PROCA1: variants seen among roughly 807,000 people sequenced by gnomAD.
The protein encoded by PROCA1 is protein PROCA1.
In PROCA1, 22 loss-of-function variants were observed where a neutral mutation model predicts 23.2. The ratio of observed to expected loss-of-function variants is 0.95; its 90% CI spans 0.68 to 1.35. PROCA1 has a LOEUF of 1.35. PROCA1 is among the 40% of genes most tolerant of loss of function. The pLI is 0.00. For synonymous variants in PROCA1, 182 were observed against 179.2 expected (o/e 1.02, Z -0.12); for missense variants, 469 against 459.8 (o/e 1.02, Z -0.18).
At chr17:28,707,465 A>G (rs1310353182) in intron 1 of PROCA1, 2 of 152,258 alleles carry the variant, frequency 1.3e-5, no homozygotes, top group African/African-American at 4.8e-5. Context: ...TGAACAAAAG[A>G]ATGAATGAAT....
intron 1 of PROCA1, chr17:28,707,716 C>G (rs1339341157): frequency 6.6e-6 from 1 of 152,186 alleles, no homozygotes; most frequent in African/African-American, 2.4e-5. Context: ...AAACAAAACA[C>G]TCTGTCAATC....
At chr17:28,710,792 G>T (rs1046787596) in intron 1 of PROCA1, 83 of 1,303,802 alleles carry the variant, frequency 6.4e-5, no homozygotes, top group Non-Finnish European at 8.1e-5. Context: ...GGGTGATAGG[G>T]TGAAAGAAAG....
intron 2 of PROCA1, chr17:28,705,104 C>T (rs2032403033): frequency 5.4e-6 from 2 of 367,468 alleles, no homozygotes; most frequent in Non-Finnish European, 9.9e-6. Flanking sequence ...CCTCTCCCTC[C>T]AGTGGGAGGC....
chr17:28,704,475 C>T (rs1163430403), intron 3 of PROCA1, 40 bp from the exon 4 acceptor site: 1 of 1,590,372 alleles, frequency 6.3e-7, no homozygotes, highest in Non-Finnish European at 8.6e-7. Context: ...CCCATCACTC[C>T]CCCAGGGACC....
intron 3 of PROCA1, 46 bp downstream of exon 3, chr17:28,704,662 T>G (rs768519301): frequency 6.2e-7 from 1 of 1,608,500 alleles, no homozygotes; most frequent in East Asian, 2.2e-5. Flanking sequence ...CAATGAAAGT[T>G]CGGACCTGGC....
Position 28,711,407 on chromosome 17 carries a change from AGCTCCGCCCCGG to A in PROCA1, c.91+151_91+162del, listed in dbSNP as rs2032776456. Reference sequence around the variant, plus strand: ...TCGACGCGAGCCCGCCCCCGGCCCTAGCTCCGCCCCGGCCCTAGCTCCGCCCCGGCCCAGCAC... The same window carrying A: ...TCGACGCGAGCCCGCCCCCGGCCCTACCCTAGCTCCGCCCCGGCCCAGCAC... On this transcript the variant is annotated intron_variant, in intron 1 of 4. Transcript: ENST00000682792. 50 of 495,468 alleles carry A rather than the reference AGCTCCGCCCCGG, an allele frequency of 1.0e-4. No individual in the cohort carries two copies. The South Asian group carries it at 1.6e-3, about 16-fold the overall frequency. The allele number at this position is 495,468 out of a possible 1,614,324, so 30.7% of individuals were successfully genotyped here.
At position 28,711,741 on chromosome 17, in the gene PROCA1, C is replaced by G; in HGVS notation, c.-81G>C. On this transcript the variant is annotated 5_prime_UTR_variant, in exon 1 of 5. Transcript: ENST00000682792. Reference sequence around the variant, plus strand: ...AGCCTCAGCCCGGCCGAGCCCTCGGCCCAGCCGTGAACTCCAGTCTCGGCT... The same window carrying G: ...AGCCTCAGCCCGGCCGAGCCCTCGGGCCAGCCGTGAACTCCAGTCTCGGCT... 7.7e-7 allele frequency: 1 copy of G among 1,301,888 alleles called. No individual in the cohort carries two copies. Among genetic ancestry groups the G allele is most frequent in the South Asian group, 1.4e-5 (1 of 71,494 alleles). The allele number at this position is 1,301,888 out of a possible 1,614,324, so 80.6% of individuals were successfully genotyped here.
At position 28,711,684 on chromosome 17, in the gene PROCA1, T is replaced by C. The variant is rs750403735; in HGVS notation, c.-24A>G. On this transcript the variant is annotated 5_prime_UTR_variant, in exon 1 of 5. Coordinates refer to ENST00000682792, the MANE Select transcript of PROCA1 (RefSeq NM_001366301.1). The stretch of plus-strand genomic sequence containing the variant: ...ATCGCTCTCCGCCCAGGTCTTCGTC[T>C]CTACAGGACTCTTGCGTGAAGTCCA... 6.2e-7 allele frequency: 1 copy of C among 1,602,814 alleles called. No individual in the cohort carries two copies. Among genetic ancestry groups the C allele is most frequent in the Non-Finnish European group, 8.5e-7 (1 of 1,173,482 alleles).
At chr17:28,706,868 C>T (rs2032504424) in intron 1 of PROCA1, 105 bp from the exon 2 acceptor site, 2 of 1,035,918 alleles carry the variant, frequency 1.9e-6, no homozygotes, top group Middle Eastern at 2.5e-4. Flanking sequence ...TCGCTGCATC[C>T]TGGAGATGCA....
intron 1 of PROCA1, 38 bp from the exon 2 acceptor site, chr17:28,706,801 C>T (rs1230730928): frequency 1.5e-6 from 2 of 1,301,080 alleles, no homozygotes; most frequent in African/African-American, 3.1e-5. Flanking sequence ...GCAGCAGCCC[C>T]CTCCCTGTGC....
Position 28,711,586 on chromosome 17 carries a change from A to T in PROCA1, c.75T>A (p.Asp25Glu). 6.2e-7 allele frequency: 1 copy of T among 1,610,446 alleles called. No homozygotes were observed. The highest frequency in any genetic ancestry group is 8.5e-7 in the Non-Finnish European group (1 of 1,178,990). The change falls in exon 1 of 5, where the codon GAT becomes GAA. Residue 25 changes from aspartate (D) to glutamate (E), a missense_variant. Coordinates refer to ENST00000682792, the MANE Select transcript of PROCA1 (RefSeq NM_001366301.1). ...CCCTCTTACCGCGGCATCTGCTCTCATCCCACGAGCGGGCCTTGGGCTCGG... is the reference window on the plus strand; with the variant it reads ...CCCTCTTACCGCGGCATCTGCTCTCTTCCCACGAGCGGGCCTTGGGCTCGG... ...EKTEPKARSW[D>E]ESRCRDVNRL...
In PROCA1 at chr17:28,704,358, C is replaced by T. The variant is rs781215362; in HGVS notation, c.389G>A (p.Cys130Tyr). 1.2e-5 allele frequency: 20 copies of T among 1,614,052 alleles called. 1 individual carries two copies. The highest frequency in any genetic ancestry group is 1.6e-5 in the Non-Finnish European group (19 of 1,180,034). The part of the protein sequence containing the change: ...PTCSHVIESP[C>Y]FELTPEEEHV... ...CTCCTCCTCCGGTGTGAGCTCAAAG[C>T]AAGGGGACTCGATGACATGGGAGCA... The change falls in exon 4 of 5, where the codon TGC becomes TAC. Residue 130 changes from cysteine (C) to tyrosine (Y), a missense_variant. Transcript: ENST00000682792.
intron 1 of PROCA1, chr17:28,711,213 T>C: frequency 9.1e-7 from 1 of 1,093,704 alleles, no homozygotes; most frequent in Non-Finnish European, 1.2e-6. Context: ...TGGGCGCTGG[T>C]CCACGGGCTC....
In PROCA1 at chr17:28,703,890, G is replaced by T; in HGVS notation, c.763C>A (p.Leu255Met). Residue 255 changes from leucine (L) to methionine (M), a missense_variant, in exon 5 of 5, where the codon CTG becomes ATG. Transcript: ENST00000682792. ...DKEEMDEKAK[L>M]KKKAKKGQLT... ...TGGCCTTTCTTGGCTTTTTTCTTCA[G>T]CTTTGCCTTCTCATCCATCTCCTCC... is the stretch of plus-strand genomic sequence containing the variant. 1 of 1,614,022 alleles carries T rather than the reference G, an allele frequency of 6.2e-7. No homozygotes were observed. Among genetic ancestry groups the T allele is most frequent in the Non-Finnish European group, 8.5e-7 (1 of 1,180,014 alleles).
chr17:28,703,331 C>T lies in PROCA1; in HGVS notation c.*227G>A, dbSNP rs1385172507. ...TTCCCACCCCAGATACACTCTTCCACCTTGTCCTAGCAGGTAGGAAGAAAT... is the reference window on the plus strand; with the variant it reads ...TTCCCACCCCAGATACACTCTTCCATCTTGTCCTAGCAGGTAGGAAGAAAT... On this transcript the variant is annotated 3_prime_UTR_variant, in exon 5 of 5. Transcript: ENST00000682792. 1.6e-5 allele frequency: 9 copies of T among 569,002 alleles called. No individual in the cohort carries two copies. The highest frequency in any genetic ancestry group is 2.9e-5 in the East Asian group (1 of 34,204). The allele number at this position is 569,002 out of a possible 1,614,324, so 35.2% of individuals were successfully genotyped here. A position where few individuals can be genotyped will look rare whatever the true frequency, so the allele number is the denominator to read the frequency against.
chr17:28,703,934 T>C lies in PROCA1; in HGVS notation c.719A>G (p.Lys240Arg). 1 of 1,613,150 alleles carries C rather than the reference T, an allele frequency of 6.2e-7. No homozygotes were observed. The highest frequency in any genetic ancestry group is 8.5e-7 in the Non-Finnish European group (1 of 1,179,646). ...SKVIKKVKKKKEKEKDKEEMD... is the reference protein window; with the variant it reads ...SKVIKKVKKKREKEKDKEEMD... Reference sequence around the variant, plus strand: ...CTCCTCCTTGTCTTTCTCTTTTTCCTTTTTCTTCTTTACCTTCTTGATCAC... The same window carrying C: ...CTCCTCCTTGTCTTTCTCTTTTTCCCTTTTCTTCTTTACCTTCTTGATCAC... The change falls in exon 5 of 5, where the codon AAG becomes AGG. Residue 240 changes from lysine to arginine, a missense_variant. Lys to Arg is a conservative substitution (Grantham distance 26). Coordinates refer to ENST00000682792, the MANE Select transcript of PROCA1 (RefSeq NM_001366301.1).
At chr17:28,710,942 TG>T in intron 1 of PROCA1, 2 of 1,177,326 alleles carry the variant, frequency 1.7e-6, no homozygotes, top group Non-Finnish European at 2.2e-6. Context: ...CTCGAGGCAC[TG>T]GGGGTGGGCA....
chr17:28,703,475 A>T lies in PROCA1; in HGVS notation c.*83T>A. ...GCCCACCCCTTGCCCCGCAAGAAAC[A>T]GCCAGGTTGGAGGGAGAGAACAGCA... On this transcript the variant is annotated 3_prime_UTR_variant, in exon 5 of 5. Coordinates refer to ENST00000682792, the MANE Select transcript of PROCA1 (RefSeq NM_001366301.1). 7.0e-7 allele frequency: 1 copy of T among 1,429,294 alleles called. No individual in the cohort carries two copies. Among genetic ancestry groups the T allele is most frequent in the South Asian group, 1.3e-5 (1 of 75,258 alleles). 88.5% of individuals were successfully genotyped at this position (1,429,294 alleles called of 1,614,324 possible).
chr17:28,704,362 G>A lies in PROCA1; in HGVS notation c.385C>T (p.Pro129Ser), dbSNP rs1330976697. Residue 129 changes from proline (P) to serine (S), a missense_variant, in exon 4 of 5, where the codon CCT becomes TCT. Pro to Ser is a moderately conservative substitution (Grantham distance 74). Coordinates refer to ENST00000682792, the MANE Select transcript of PROCA1 (RefSeq NM_001366301.1). ...TCCTCCGGTGTGAGCTCAAAGCAAG[G>A]GGACTCGATGACATGGGAGCAGGTT... ...GPTCSHVIES[P>S]CFELTPEEEH... 6.2e-7 allele frequency: 1 copy of A among 1,614,144 alleles called. No individual in the cohort carries two copies.
Sources: allele counts gnomAD v4.1 joint callset, GRCh38; gene constraint gnomAD v4.1.1; transcripts MANE v1.5; gene names NCBI Gene and HGNC (gene_info 2026-07-23, HGNC 2026-07-21).